The following PCDHA8 variants were observed in gnomAD, a reference collection of about 807,000 sequenced individuals.
PCDHA8 encodes protocadherin alpha-8.
PCDHA8 carries 53 observed loss-of-function variants against 61.8 expected under a neutral mutation model. The observed-to-expected ratio is 0.86, with a 90% CI of 0.69 to 1.08. PCDHA8 has a LOEUF of 1.08. Among genes scored for constraint, PCDHA8 ranks in the 50% least tolerant of loss-of-function variants. PCDHA8 has a pLI of 0.00. For synonymous variants in PCDHA8, 618 were observed against 556.6 expected (o/e 1.11, Z -1.55); for missense variants, 1,293 against 1,245.0 (o/e 1.04, Z -0.58).
At chr5:140,855,706 TCAA>T (rs1176313933) in intron 1 of PCDHA8, among the ~76,000 whole-genome samples, 1 of 149,608 alleles carries the variant, frequency 6.7e-6, no homozygotes, top group African/African-American at 2.5e-5. Context: ...GCACGTGGGA[TCAA>T]CATTTATTGT....
chr5:140,985,675 T>C (rs1477813786), intron 3 of PCDHA8, among the ~76,000 whole-genome samples: 1 of 151,998 alleles, frequency 6.6e-6, no homozygotes, highest in Non-Finnish European at 1.5e-5. Context: ...AAGTGGGGCC[T>C]GCCTTACGCT....
At position 140,843,240 on chromosome 5, in the gene PCDHA8, C is replaced by G. The variant is rs2150355693; in HGVS notation, c.1919C>G (p.Ala640Gly). Residue 640 changes from alanine to glycine, a missense_variant, in exon 1 of 4, where the codon GCG (alanine) becomes GGG (glycine). Physicochemically the swap from Ala to Gly is moderately conservative, Grantham distance 60. Coordinates refer to ENST00000531613, the MANE Select transcript of PCDHA8 (RefSeq NM_018911.3). ...EISTTRVLDEADSPRHRLLVL... is the reference protein window; with the variant it reads ...EISTTRVLDEGDSPRHRLLVL... ...AGCACCACTCGTGTCCTGGACGAAG[C>G]GGACTCTCCGCGCCACCGTCTGCTG... The G allele has an allele frequency of 4.4e-6, 7 of 1,595,828 alleles. 1 individual carries two copies. Among genetic ancestry groups the G allele is most frequent in the Non-Finnish European group, 6.0e-6 (7 of 1,165,542 alleles).
chr5:140,928,288 C>T (rs541893248), intron 1 of PCDHA8: 37 of 1,614,156 alleles, frequency 2.3e-5, no homozygotes, highest in East Asian at 4.5e-5. Flanking sequence ...CTCTCTAGGC[C>T]GAGTGTTTGC....
At chr5:140,999,795 T>C (rs1222111677) in intron 3 of PCDHA8, among the ~76,000 whole-genome samples, 3 of 152,224 alleles carry the variant, frequency 2.0e-5, no homozygotes, top group Non-Finnish European at 4.4e-5. Context: ...GGCAGAGTTA[T>C]TTTGGGCACA....
At chr5:140,931,507 T>C (rs564431042) in intron 1 of PCDHA8, among the ~76,000 whole-genome samples, 1 of 152,016 alleles carries the variant, frequency 6.6e-6, no homozygotes, top group African/African-American at 2.4e-5. Flanking sequence ...TTTAAACATA[T>C]ATGAATGATT....
chr5:140,966,750 C>A, intron 1 of PCDHA8: 1 of 1,428,438 alleles, frequency 7.0e-7, no homozygotes, highest in South Asian at 1.5e-5. Flanking sequence ...CGGCTGCCTC[C>A]GCCGCGGCCA....
At position 140,843,258 on chromosome 5, in the gene PCDHA8, G is replaced by T. The variant is rs2150356116; in HGVS notation, c.1937G>T (p.Arg646Leu). 2 of 1,596,068 alleles carry T rather than the reference G, an allele frequency of 1.3e-6. 1 individual carries two copies. The highest frequency in any genetic ancestry group is 3.4e-5 in the Admixed American group (2 of 59,332). ...GACGAAGCGGACTCTCCGCGCCACC[G>T]TCTGCTGGTCCTGGTGAAGGATCAT... ...VLDEADSPRHRLLVLVKDHGE... is the reference protein window; with the variant it reads ...VLDEADSPRHLLLVLVKDHGE... The change falls in exon 1 of 4, where the codon CGT becomes CTT. Residue 646 changes from arginine to leucine, a missense_variant. By Grantham distance (102) the Arg-to-Leu change is moderately radical. Coordinates refer to ENST00000531613, the MANE Select transcript of PCDHA8 (RefSeq NM_018911.3).
chr5:140,875,724 G>T, intron 1 of PCDHA8: 1 of 1,614,244 alleles, frequency 6.2e-7, no homozygotes, highest in Non-Finnish European at 8.5e-7. Flanking sequence ...ATGGCATTTT[G>T]TTTGTGAATT....
chr5:140,869,211 G>C (rs375218342), intron 1 of PCDHA8: 26 of 1,613,838 alleles, frequency 1.6e-5, no homozygotes, highest in African/African-American at 1.5e-4. Flanking sequence ...ACTCCGTCTC[G>C]GAGGAGGCCA....
intron 1 of PCDHA8, among the ~76,000 whole-genome samples, chr5:140,936,673 A>G (rs77819967): frequency 0.018 from 2,748 of 152,254 alleles, 64 homozygotes; most frequent in South Asian, 0.1. Context: ...TGGACTGTCT[A>G]TTCTGTTTCA....
chr5:140,884,409 C>T, intron 1 of PCDHA8: 4 of 1,613,992 alleles, frequency 2.5e-6, no homozygotes, highest in Non-Finnish European at 3.4e-6. Context: ...TTGGTGCTCA[C>T]GTTGCTGCTG....
rs201890234 is a variant in PCDHA8, at chr5:140,842,178, A to C, written c.857A>C (p.Glu286Ala). ...AISYSFNSLV[E>A]TMVIDHFSID... ...TCATATTCTTTTAATAGCCTTGTTG[A>C]AACTATGGTTATTGACCACTTTAGC... The change falls in exon 1 of 4, where the codon GAA becomes GCA. Residue 286 changes from glutamate to alanine, a missense_variant. Transcript: ENST00000531613. 3.1e-4 allele frequency: 494 copies of C among 1,613,248 alleles called. 6 individuals are homozygous for C. Among genetic ancestry groups the C allele is most frequent in the African/African-American group, 2.3e-3 (170 of 74,856 alleles).
intron 1 of PCDHA8, chr5:140,968,357 C>T: frequency 6.2e-7 from 1 of 1,614,080 alleles, no homozygotes; most frequent in Non-Finnish European, 8.5e-7. Context: ...CAGTGGCAGC[C>T]TTTATGCTGT....
At chr5:140,935,996 G>C (rs145363850) in intron 1 of PCDHA8, among the ~76,000 whole-genome samples, 1,644 of 150,942 alleles carry the variant, frequency 0.011, 22 homozygotes, top group African/African-American at 0.037. Flanking sequence ...GGGTTCAAGC[G>C]ATTCTCCCAC....
intron 1 of PCDHA8, chr5:140,863,441 C>T (rs1430733740): frequency 1.0e-5 from 6 of 601,724 alleles, no homozygotes; most frequent in Non-Finnish European, 1.9e-5. Context: ...TCTGGTCTTA[C>T]TCGCAGCAAA....
chr5:140,863,653 T>C (rs2048107718), intron 1 of PCDHA8: 1 of 297,060 alleles, frequency 3.4e-6, no homozygotes, highest in Admixed American at 4.5e-5. Flanking sequence ...ATTAATTTGA[T>C]TGCTTTATTT....
intron 1 of PCDHA8, chr5:140,881,320 A>G (rs186641452): frequency 3.0e-6 from 3 of 983,610 alleles, no homozygotes; most frequent in East Asian, 1.1e-4. Context: ...GTTAAATTCT[A>G]TTTAACCAGG....
chr5:140,877,326 G>C (rs781931363), intron 1 of PCDHA8: 3 of 1,613,964 alleles, frequency 1.9e-6, no homozygotes. Flanking sequence ...CGGTCGGCGC[G>C]CACATCCCGT....
At chr5:140,951,542 A>AG (rs1554219955) in intron 1 of PCDHA8, among the ~76,000 whole-genome samples, 1 of 151,820 alleles carries the variant, frequency 6.6e-6, no homozygotes, top group African/African-American at 2.4e-5. Context: ...GGAGCAAGGG[A>AG]CGGGGGGAAG....
Sources: allele counts gnomAD v4.1 joint callset (sites outside exome capture counted in the v4.1 genomes callset), GRCh38; gene constraint gnomAD v4.1.1; transcripts MANE v1.5; gene names NCBI Gene and HGNC (gene_info 2026-07-23, HGNC 2026-07-21).